SEPTIN9: variants seen among roughly 807,000 people sequenced by gnomAD.
SEPTIN9 encodes the protein septin-9.
Under a neutral mutation model 56.6 loss-of-function variants are expected in SEPTIN9, and 13 were observed. That is an observed-to-expected ratio of 0.23 (90% CI 0.15 to 0.37). The LOEUF (loss-of-function observed/expected upper bound fraction) is 0.37, where lower values mean the gene tolerates loss of function less well. SEPTIN9 is among the 10% of genes least tolerant of loss of function. The probability of loss-of-function intolerance (pLI) is 1.00; values close to 1 mark genes in which losing one functional copy is unlikely to be tolerated. For synonymous variants in SEPTIN9, 332 were observed against 334.1 expected (o/e 0.99, Z 0.07); for missense variants, 650 against 823.1 (o/e 0.79, Z 2.57).
Position 77,405,210 on chromosome 17 carries a change from T to C in SEPTIN9, c.721+2507T>C. On this transcript the variant is annotated intron_variant, in intron 3 of 11. Transcript: ENST00000427177. The surrounding 1 kb of genome is among the most constrained non-coding windows in gnomAD (Gnocchi z 5.8). Reference sequence around the variant, plus strand: ...GGGCAGACACAGTTTAGCCCCTAAATTGTGCCAGAGACTGTGCCGGGAGCC... The same window carrying C: ...GGGCAGACACAGTTTAGCCCCTAAACTGTGCCAGAGACTGTGCCGGGAGCC... 1 of 1,372,364 alleles carries C rather than the reference T, an allele frequency of 7.3e-7. No homozygotes were observed. The highest frequency in any genetic ancestry group is 1.0e-6 in the Non-Finnish European group (1 of 1,004,228). The allele number at this position is 1,372,364 out of a possible 1,614,324, so 85.0% of individuals were successfully genotyped here.
chr17:77,490,675 TG>T, intron 7 of SEPTIN9, 66 bp from the exon 8 acceptor site: 2 of 1,234,864 alleles, frequency 1.6e-6, no homozygotes, highest in Non-Finnish European at 2.3e-6. Flanking sequence ...GACACCTGCT[TG>T]GGGGTGGGTG....
chr17:77,360,748 T>C (rs1165328186), intron 2 of SEPTIN9, among the ~76,000 whole-genome samples: 1 of 151,976 alleles, frequency 6.6e-6, no homozygotes, highest in East Asian at 1.9e-4. Context: ...GTATTTTTAG[T>C]AGAGACGGGG....
intron 2 of SEPTIN9, among the ~76,000 whole-genome samples, chr17:77,320,698 G>T: frequency 6.6e-6 from 1 of 152,266 alleles, no homozygotes; most frequent in East Asian, 1.9e-4. Flanking sequence ...GTCTGGGGCG[G>T]CGGCGCTTGG....
At chr17:77,331,533 G>A (rs1446188858) in intron 2 of SEPTIN9, among the ~76,000 whole-genome samples, 1 of 152,188 alleles carries the variant, frequency 6.6e-6, no homozygotes, top group Non-Finnish European at 1.5e-5. Context: ...CAGGGAGGCG[G>A]GTGGCAGCGA....
chr17:77,454,309 C>T (rs569884883), intron 3 of SEPTIN9: 43 of 985,406 alleles, frequency 4.4e-5, no homozygotes, highest in Non-Finnish European at 4.7e-5. Flanking sequence ...AGAGTTCTGC[C>T]TTCCGGCGCC....
rs759344639 is a variant in SEPTIN9, at chr17:77,366,799, C to T, written c.77-35260C>T. Among the ~76,000 whole-genome samples the T allele has an allele frequency of 6.9e-4, 105 of 152,146 alleles. 1 individual carries two copies. Among genetic ancestry groups the T allele is most frequent in the Non-Finnish European group, 3.8e-4 (26 of 68,000 alleles). On this transcript the variant is annotated intron_variant, in intron 2 of 11. Coordinates refer to ENST00000427177, the MANE Select transcript of SEPTIN9 (RefSeq NM_001113491.2). ...GCTGATTCAGTCCCAAGTGCCGGAGCGGGGAGCTCGGATGAGGTGGGGGTG... is the reference window on the plus strand; with the variant it reads ...GCTGATTCAGTCCCAAGTGCCGGAGTGGGGAGCTCGGATGAGGTGGGGGTG...
At chr17:77,432,761 C>T (rs182697127) in intron 3 of SEPTIN9, among the ~76,000 whole-genome samples, 6 of 152,382 alleles carry the variant, frequency 3.9e-5, no homozygotes, top group African/African-American at 1.4e-4. Flanking sequence ...TCTTGGATTT[C>T]AGGACACTGA....
intron 3 of SEPTIN9, among the ~76,000 whole-genome samples, chr17:77,411,012 G>C (rs369899238): frequency 2.6e-4 from 40 of 152,006 alleles, no homozygotes; most frequent in African/African-American, 9.2e-4. Context: ...TTGAACCCAG[G>C]AGGCGGAGGT....
Position 77,367,794 on chromosome 17 carries a change from C to T in SEPTIN9, c.77-34265C>T, listed in dbSNP as rs932663207. Among the ~76,000 whole-genome samples, 10 of 151,778 alleles carry T rather than the reference C, an allele frequency of 6.6e-5. No homozygotes were observed. The highest frequency in any genetic ancestry group is 2.1e-4 in the South Asian group (1 of 4,812). ...TCACGCCACTACACTACAGCCCGGGCGACAGAGTGAGACTGTCTAAAATAA... is the reference window on the plus strand; with the variant it reads ...TCACGCCACTACACTACAGCCCGGGTGACAGAGTGAGACTGTCTAAAATAA... On this transcript the variant is annotated intron_variant, in intron 2 of 11. Coordinates refer to ENST00000427177, the MANE Select transcript of SEPTIN9 (RefSeq NM_001113491.2). The surrounding 1 kb of genome is among the most constrained non-coding windows in gnomAD (Gnocchi z 4.5).
intron 2 of SEPTIN9, among the ~76,000 whole-genome samples, chr17:77,384,560 A>G (rs2035263722): frequency 6.6e-6 from 1 of 152,072 alleles, no homozygotes; most frequent in South Asian, 2.1e-4. Flanking sequence ...TCAGGAGGGC[A>G]GAGGTTCACA....
chr17:77,473,009 A>G (rs1438090188), intron 3 of SEPTIN9, among the ~76,000 whole-genome samples: 3 of 152,234 alleles, frequency 2.0e-5, no homozygotes, highest in Admixed American at 2.0e-4. Context: ...TAGGAACACA[A>G]TGCAGTGAAA....
Position 77,491,755 on chromosome 17 carries a change from G to A in SEPTIN9, c.1381-866G>A, listed in dbSNP as rs368597730. Reference sequence around the variant, plus strand: ...CGGGAGGCGGAGGCTTCAGTGAGCCGAGATTGAGCCACTGCACTCCAGCCT... The same window carrying A: ...CGGGAGGCGGAGGCTTCAGTGAGCCAAGATTGAGCCACTGCACTCCAGCCT... On this transcript the variant is annotated intron_variant, in intron 8 of 11. Transcript: ENST00000427177. 9.8e-5 allele frequency among the ~76,000 whole-genome samples: 14 copies of A among 143,382 alleles called. No individual in the cohort carries two copies. In the East Asian group the frequency reaches 1.9e-3, roughly 19 times the overall value. The allele number at this position is 143,382 out of a possible 152,430, so 94.1% of individuals were successfully genotyped here.
rs1000211006 is a variant in SEPTIN9, at chr17:77,461,501, G to A, written c.722-20643G>A. Among the ~76,000 whole-genome samples, 5 of 152,132 alleles carry A rather than the reference G, an allele frequency of 3.3e-5. No individual in the cohort carries two copies. In the South Asian group the frequency reaches 6.2e-4, roughly 19 times the overall value. Reference sequence around the variant, plus strand: ...CTCGGGCTGGAGGCTGGGGACATCCGAGGGCAAGGACGACGCTGTCCCTGC... The same window carrying A: ...CTCGGGCTGGAGGCTGGGGACATCCAAGGGCAAGGACGACGCTGTCCCTGC... On this transcript the variant is annotated intron_variant, in intron 3 of 11. Transcript: ENST00000427177.
intron 1 of SEPTIN9, among the ~76,000 whole-genome samples, chr17:77,285,436 T>C (rs2031229417): frequency 6.6e-6 from 1 of 152,096 alleles, no homozygotes; most frequent in South Asian, 2.1e-4. Flanking sequence ...CTTGCTCTGT[T>C]GCCCAGGCTG....
intron 3 of SEPTIN9, among the ~76,000 whole-genome samples, chr17:77,462,884 T>C (rs2574842): frequency 0.15 from 22,440 of 151,944 alleles, 4,363 homozygotes; most frequent in African/African-American, 0.45. Flanking sequence ...TCAAGTGATC[T>C]GGCCACCTTG....
At chr17:77,311,405 G>A (rs752637094) in intron 2 of SEPTIN9, among the ~76,000 whole-genome samples, 4 of 152,114 alleles carry the variant, frequency 2.6e-5, no homozygotes, top group African/African-American at 9.7e-5. Flanking sequence ...GTGGATGGAC[G>A]ACCCCGCCCG....
chr17:77,312,413 G>C (rs2032537006), intron 2 of SEPTIN9, among the ~76,000 whole-genome samples: 1 of 152,200 alleles, frequency 6.6e-6, no homozygotes, highest in African/African-American at 2.4e-5. Flanking sequence ...CTGCGCTCCT[G>C]GCTCTGAGTG....
intron 3 of SEPTIN9, chr17:77,470,623 C>G (rs1435296791): frequency 6.6e-6 from 1 of 152,256 alleles, no homozygotes; most frequent in Non-Finnish European, 1.5e-5. Flanking sequence ...CCAACCCATC[C>G]ATTCACCTGC....
At chr17:77,293,930 C>T (rs1245961087) in intron 1 of SEPTIN9, among the ~76,000 whole-genome samples, 1 of 151,810 alleles carries the variant, frequency 6.6e-6, no homozygotes, top group African/African-American at 2.4e-5. Flanking sequence ...GTGGCGAAAC[C>T]CCGTCTCTAC....
Sources: allele counts gnomAD v4.1 joint callset (sites outside exome capture counted in the v4.1 genomes callset), GRCh38; gene constraint gnomAD v4.1.1; non-coding constraint Gnocchi (gnomAD v3.1); transcripts MANE v1.5; gene names NCBI Gene and HGNC (gene_info 2026-07-23, HGNC 2026-07-21).